ROBO1: variants seen among roughly 807,000 people sequenced by gnomAD.
ROBO1 encodes the protein roundabout homolog 1.
A neutral mutation model predicts 195.9 loss-of-function variants in ROBO1; 149 were observed. The ratio of observed to expected loss-of-function variants is 0.76; its 90% CI spans 0.67 to 0.87. The LOEUF is 0.87. ROBO1 is among the 40% of genes least tolerant of loss of function. The pLI, the probability that ROBO1 is intolerant of heterozygous loss-of-function variation, is 0.00. For synonymous variants in ROBO1, 816 were observed against 733.2 expected (o/e 1.11, Z -1.82); for missense variants, 1,933 against 2,068.3 (o/e 0.93, Z 1.27).
chr3:79,187,154 T>A (rs1240698764), intron 2 of ROBO1, among the ~76,000 whole-genome samples: 2 of 152,006 alleles, frequency 1.3e-5, no homozygotes, highest in Non-Finnish European at 2.9e-5. Flanking sequence ...CCAATTCTCA[T>A]AGGAAAATAT....
At chr3:78,915,449 T>C (rs2038501436) in intron 4 of ROBO1, among the ~76,000 whole-genome samples, 1 of 151,892 alleles carries the variant, frequency 6.6e-6, no homozygotes, top group Non-Finnish European at 1.5e-5. Flanking sequence ...GAAATCATAA[T>C]AAATAGAGCA....
intron 4 of ROBO1, among the ~76,000 whole-genome samples, chr3:78,851,898 C>T (rs952957495): frequency 2.0e-5 from 3 of 151,618 alleles, no homozygotes; most frequent in African/African-American, 7.3e-5. Context: ...TGTCAGCCAA[C>T]ACATTAAAAA....
rs2079250977 is a variant in ROBO1 at position 79,080,407 on chromosome 3, GT to G, written c.172+45048del. Among the ~76,000 whole-genome samples, 4 of 151,872 alleles carry G rather than the reference GT, an allele frequency of 2.6e-5. No homozygotes were observed. In the East Asian group the frequency reaches 5.8e-4, roughly 22 times the overall value. ...ACTACATGTTCATAATTTGTATCAA[GT>G]TTAAGTATACTAACATACACTATAA... On this transcript the variant is annotated intron_variant, in intron 3 of 30. Coordinates refer to ENST00000464233, the MANE Select transcript of ROBO1 (RefSeq NM_002941.4).
At chr3:79,010,575 G>A (rs1489159054) in intron 3 of ROBO1, among the ~76,000 whole-genome samples, 1 of 151,864 alleles carries the variant, frequency 6.6e-6, no homozygotes, top group Non-Finnish European at 1.5e-5. Context: ...CTACTACATC[G>A]ATCATCATTT....
intron 3 of ROBO1, among the ~76,000 whole-genome samples, chr3:79,043,570 C>T (rs1393145470): frequency 6.6e-6 from 1 of 151,630 alleles, no homozygotes; most frequent in Admixed American, 6.6e-5. Flanking sequence ...AAAAACTCCT[C>T]TCAGATTCTG....
intron 1 of ROBO1, among the ~76,000 whole-genome samples, chr3:79,656,075 A>T (rs938895937): frequency 1.3e-5 from 2 of 152,150 alleles, no homozygotes; most frequent in Non-Finnish European, 1.5e-5. Context: ...AACAATAAAC[A>T]CACAAAATAT....
intron 2 of ROBO1, among the ~76,000 whole-genome samples, chr3:79,451,967 CTAT>C (rs148596190): frequency 0.048 from 7,313 of 151,608 alleles, 479 homozygotes; most frequent in African/African-American, 0.15. Flanking sequence ...CCACATCATG[CTAT>C]TATTATTATT....
intron 2 of ROBO1, among the ~76,000 whole-genome samples, chr3:79,264,670 T>G (rs1380571745): frequency 1.3e-5 from 2 of 151,950 alleles, no homozygotes; most frequent in Non-Finnish European, 2.9e-5. Context: ...GATACTTGAC[T>G]AAAGTAGGGA....
intron 29 of ROBO1, among the ~76,000 whole-genome samples, chr3:78,604,146 C>T (rs1236194100): frequency 2.0e-5 from 3 of 152,154 alleles, no homozygotes; most frequent in African/African-American, 2.4e-5. Context: ...TCTTGGCTCA[C>T]TGCAATCTCC....
chr3:78,686,047 C>A (rs1279452600), intron 9 of ROBO1, 130 bp from the exon 10 acceptor site: 19 of 709,158 alleles, frequency 2.7e-5, no homozygotes, highest in Non-Finnish European at 3.2e-5. Context: ...GCATATGTAT[C>A]CGTCTATATA....
At chr3:79,025,156 C>G (rs1459338061) in intron 3 of ROBO1, among the ~76,000 whole-genome samples, 1 of 152,116 alleles carries the variant, frequency 6.6e-6, no homozygotes, top group Non-Finnish European at 1.5e-5. Context: ...ATTAGACAGC[C>G]TCCTGCCTCA....
intron 8 of ROBO1, among the ~76,000 whole-genome samples, chr3:78,711,027 T>G (rs2081672418): frequency 6.6e-6 from 1 of 152,200 alleles, no homozygotes; most frequent in African/African-American, 2.4e-5. Flanking sequence ...CCTTTTCACC[T>G]CCATTCTTTT....
At chr3:79,553,327 T>C (rs1942588253) in intron 2 of ROBO1, among the ~76,000 whole-genome samples, 1 of 152,074 alleles carries the variant, frequency 6.6e-6, no homozygotes, top group South Asian at 2.1e-4. Flanking sequence ...TCAATGATTC[T>C]GCTCTTTGAT....
chr3:78,677,982 C>T (rs1708544069), intron 10 of ROBO1, among the ~76,000 whole-genome samples: 1 of 151,772 alleles, frequency 6.6e-6, no homozygotes, highest in Non-Finnish European at 1.5e-5. Flanking sequence ...GTCTCTCAGA[C>T]CACAGTGCAA....
chr3:78,733,416 A>G (rs943382352), intron 5 of ROBO1, among the ~76,000 whole-genome samples: 15 of 152,092 alleles, frequency 9.9e-5, no homozygotes, highest in Non-Finnish European at 1.9e-4. Context: ...TTTAAAGATT[A>G]CAATTCATTT....
rs113616787 is a variant in ROBO1, at chr3:79,461,181, A to T, written c.88+128643T>A. Among the ~76,000 whole-genome samples the T allele has an allele frequency of 9.5e-4, 144 of 152,220 alleles. 1 individual carries two copies. The Middle Eastern group carries it at 0.02, about 22-fold the overall frequency. On this transcript the variant is annotated intron_variant, in intron 2 of 30. Transcript: ENST00000464233. ...CTGTCTTATTGGCAATTATCGAATC[A>T]TAATTTGGTGGACTCATAGGGTCAC... is the stretch of plus-strand genomic sequence containing the variant.
chr3:79,394,774 A>C (rs763537531), intron 2 of ROBO1, among the ~76,000 whole-genome samples: 19 of 152,180 alleles, frequency 1.2e-4, no homozygotes, highest in Non-Finnish European at 2.8e-4. Flanking sequence ...GTAAATAGGC[A>C]GGTACTAGTG....
At chr3:79,669,378 C>T (rs1946567252) in intron 1 of ROBO1, among the ~76,000 whole-genome samples, 1 of 151,822 alleles carries the variant, frequency 6.6e-6, no homozygotes, top group South Asian at 2.1e-4. Context: ...TATATCTTCC[C>T]AGTCTTGTAT....
intron 3 of ROBO1, among the ~76,000 whole-genome samples, chr3:78,997,504 T>C (rs2077397735): frequency 6.6e-6 from 1 of 152,152 alleles, no homozygotes; most frequent in Non-Finnish European, 1.5e-5. Context: ...TAAATGTTTG[T>C]TCAATCAATG....
Sources: gnomAD v4.1 joint callset for allele counts (sites outside exome capture counted in the v4.1 genomes callset) on GRCh38, gnomAD v4.1.1 for gene constraint, MANE v1.5 for transcripts, NCBI Gene and HGNC (gene_info 2026-07-23, HGNC 2026-07-21) for gene names.